Variants in PTPRD observed in about 807,000 individuals in gnomAD.
The protein encoded by PTPRD is protein tyrosine phosphatase receptor type D.
PTPRD carries 34 observed loss-of-function variants against 214.5 expected under a neutral mutation model. The ratio of observed to expected loss-of-function variants is 0.16; its 90% confidence interval spans 0.12 to 0.21. PTPRD has a LOEUF of 0.21. PTPRD is among the 10% of genes least tolerant of loss of function. PTPRD has a pLI of 1.00. For synonymous variants in PTPRD, 1,128 were observed against 845.7 expected (o/e 1.33, Z -5.79); for missense variants, 2,545 against 2,398.7 (o/e 1.06, Z -1.27).
intron 5 of PTPRD, among the ~76,000 whole-genome samples, chr9:9,914,336 T>G (rs547373858): frequency 3.3e-5 from 5 of 152,268 alleles, no homozygotes; most frequent in African/African-American, 1.2e-4. Flanking sequence ...CTTCCCCTAG[T>G]GGGCACACCC....
At chr9:9,294,985 A>G (rs954204809) in intron 9 of PTPRD, among the ~76,000 whole-genome samples, 2 of 151,774 alleles carry the variant, frequency 1.3e-5, no homozygotes, top group African/African-American at 4.8e-5. Flanking sequence ...ATTAGTAAGT[A>G]CTTGTATCAG....
At chr9:9,490,474 G>C (rs879325130) in intron 8 of PTPRD, among the ~76,000 whole-genome samples, 1 of 151,978 alleles carries the variant, frequency 6.6e-6, no homozygotes, top group African/African-American at 2.4e-5. Context: ...ACTTTGGTTT[G>C]TAACTCCACA....
Position 8,722,312 on chromosome 9 carries a change from G to C in PTPRD, c.64+11468C>G, listed in dbSNP as rs72702304. 2.7e-3 allele frequency among the ~76,000 whole-genome samples: 416 copies of C among 152,186 alleles called. 4 individuals carry two copies. The highest frequency in any genetic ancestry group is 9.6e-3 in the African/African-American group (399 of 41,522). The stretch of plus-strand genomic sequence containing the variant: ...CCTATTCTCAATTATCCTCCCAGGA[G>C]AATTGAGAAAATTGCTCCTGGTAGG... On this transcript the variant is annotated intron_variant, in intron 12 of 45. Coordinates refer to ENST00000381196, the MANE Select transcript of PTPRD (RefSeq NM_002839.4).
chr9:10,429,342 C>T (rs1247926550), intron 2 of PTPRD, among the ~76,000 whole-genome samples: 4 of 151,894 alleles, frequency 2.6e-5, no homozygotes, highest in African/African-American at 4.8e-5. Context: ...GGTATCTACT[C>T]AAAGGAAAAT....
At chr9:10,150,248 C>G (rs1420871464) in intron 3 of PTPRD, among the ~76,000 whole-genome samples, 2 of 152,046 alleles carry the variant, frequency 1.3e-5, no homozygotes, top group East Asian at 3.9e-4. Flanking sequence ...ATGGCAAAGA[C>G]TTGGAACCAA....
chr9:10,099,647 G>T (rs548995415), intron 3 of PTPRD, among the ~76,000 whole-genome samples: 3 of 151,700 alleles, frequency 2.0e-5, no homozygotes, highest in Admixed American at 2.0e-4. Flanking sequence ...TAAGCAATGA[G>T]GTAGCAACAA....
rs2059558249 is a variant in PTPRD at position 9,371,740 on chromosome 9, G to GT, written c.-203+25708dup. 3.3e-5 allele frequency among the ~76,000 whole-genome samples: 5 copies of GT among 152,134 alleles called. No individual in the cohort carries two copies. The South Asian group carries it at 1.0e-3, about 32-fold the overall frequency. On this transcript the variant is annotated intron_variant, in intron 9 of 45. Coordinates refer to ENST00000381196, the MANE Select transcript of PTPRD (RefSeq NM_002839.4). Reference sequence around the variant, plus strand: ...TTTTAGATCTTTCCTGCTTTCTCTTGTGGGCATTTAGTGCTATAAATTTCC... The same window carrying GT: ...TTTTAGATCTTTCCTGCTTTCTCTTGTTGGGCATTTAGTGCTATAAATTTCC...
At chr9:9,354,351 A>T (rs771313407) in intron 9 of PTPRD, among the ~76,000 whole-genome samples, 16 of 151,856 alleles carry the variant, frequency 1.1e-4, no homozygotes, top group Non-Finnish European at 2.1e-4. Flanking sequence ...ACTAAAATAC[A>T]TCTCAGTTCA....
chr9:9,221,102 T>A (rs2099955702), intron 9 of PTPRD, among the ~76,000 whole-genome samples: 1 of 152,108 alleles, frequency 6.6e-6, no homozygotes, highest in South Asian at 2.1e-4. Flanking sequence ...TACAACTTTT[T>A]TCAAGTATCG....
intron 2 of PTPRD, among the ~76,000 whole-genome samples, chr9:10,556,506 G>T (rs1328434199): frequency 1.3e-5 from 2 of 152,054 alleles, no homozygotes; most frequent in Non-Finnish European, 2.9e-5. Flanking sequence ...AGAAAATACT[G>T]AGAGTCACGT....
At chr9:9,691,776 C>T (rs1934265) in intron 7 of PTPRD, among the ~76,000 whole-genome samples, 93,579 of 151,888 alleles carry the variant, frequency 0.62, 29,098 homozygotes, top group East Asian at 0.66. Context: ...TCCACATTCT[C>T]GCCAGCGTTT....
intron 6 of PTPRD, among the ~76,000 whole-genome samples, chr9:9,737,258 T>C (rs1175720932): frequency 6.6e-6 from 1 of 152,210 alleles, no homozygotes; most frequent in Non-Finnish European, 1.5e-5. Flanking sequence ...GTCTATATTG[T>C]ACTGTCTTAC....
rs552421981 is a variant in PTPRD at position 8,404,420 on chromosome 9, T to C, written c.4210+117A>G. The C allele has an allele frequency of 3.3e-5, 46 of 1,375,844 alleles. No homozygotes were observed. In the East Asian group the frequency reaches 9.3e-4, roughly 28 times the overall value. The allele number at this position is 1,375,844 out of a possible 1,614,324, so 85.2% of individuals were successfully genotyped here. On this transcript the variant is annotated intron_variant, in intron 36 of 45. Transcript: ENST00000381196. ...CTGGGATTACAGGCGTGAGCCACCA[T>C]GCACAGCCATCTTAATTACTTTCAG...
chr9:8,684,594 C>G (rs1596933142), intron 12 of PTPRD, among the ~76,000 whole-genome samples: 1 of 152,186 alleles, frequency 6.6e-6, no homozygotes, highest in Non-Finnish European at 1.5e-5. Flanking sequence ...CTAACCTACA[C>G]TGAATCCTAT....
At chr9:10,215,997 T>C (rs1293692612) in intron 3 of PTPRD, among the ~76,000 whole-genome samples, 3 of 151,882 alleles carry the variant, frequency 2.0e-5, no homozygotes, top group Non-Finnish European at 4.4e-5. Flanking sequence ...ACTGAGAAAC[T>C]TTTTCTAAGG....
chr9:9,137,929 C>T (rs1302502837), intron 10 of PTPRD, among the ~76,000 whole-genome samples: 2 of 152,054 alleles, frequency 1.3e-5, no homozygotes, highest in Admixed American at 1.3e-4. Flanking sequence ...TTTTGACTTT[C>T]CCCAAAAGAA....
At chr9:10,455,405 T>C (rs2098903584) in intron 2 of PTPRD, among the ~76,000 whole-genome samples, 1 of 151,760 alleles carries the variant, frequency 6.6e-6, no homozygotes, top group Non-Finnish European at 1.5e-5. Flanking sequence ...ACTATCACCT[T>C]ATGCAAAAAC....
chr9:9,958,531 C>CA (rs1347065277), intron 4 of PTPRD, among the ~76,000 whole-genome samples: 1 of 152,010 alleles, frequency 6.6e-6, no homozygotes, highest in Non-Finnish European at 1.5e-5. Flanking sequence ...AACTCCATCT[C>CA]AAAAACAACA....
At chr9:8,453,186 C>T (rs569740379) in intron 33 of PTPRD, among the ~76,000 whole-genome samples, 27 of 152,244 alleles carry the variant, frequency 1.8e-4, no homozygotes, top group African/African-American at 5.8e-4. Flanking sequence ...ATGAAAGGTA[C>T]GGAGTCCCAC....
Sources: allele counts gnomAD v4.1 joint callset (sites outside exome capture counted in the v4.1 genomes callset), GRCh38; gene constraint gnomAD v4.1.1; transcripts MANE v1.5; gene names NCBI Gene and HGNC (gene_info 2026-07-23, HGNC 2026-07-21).